PRAMEF20: variants seen among roughly 807,000 people sequenced by gnomAD.
PRAMEF20 encodes PRAME family member 20/21.
Under a neutral mutation model 32.4 loss-of-function variants are expected in PRAMEF20, and 27 were observed. The ratio of observed to expected loss-of-function variants is 0.83; its 90% CI spans 0.61 to 1.15. The LOEUF is 1.15. Among genes scored for constraint, PRAMEF20 ranks in the 50% most tolerant of loss-of-function variants. The pLI is 0.00. For synonymous variants in PRAMEF20, 256 were observed against 235.4 expected (o/e 1.09, Z -0.80); for missense variants, 604 against 584.5 (o/e 1.03, Z -0.34).
chr1:13,417,099 AAAG>A (rs1641183525), intron 1 of PRAMEF20, among the ~76,000 whole-genome samples: 1 of 152,172 alleles, frequency 6.6e-6, no homozygotes, highest in Non-Finnish European at 1.5e-5. Context: ...GCACGGACCC[AAAG>A]AGTGAGCGGT....
chr1:13,412,722 G>T (rs1307594125), upstream of PRAMEF20, among the ~76,000 whole-genome samples: 1 of 151,644 alleles, frequency 6.6e-6, no homozygotes, highest in Non-Finnish European at 1.5e-5. Context: ...GAGAATCTTT[G>T]AGCTTAATTT....
At chr1:13,420,707 A>G (rs1641232714) in exon 3 of PRAMEF20, 6 of 1,613,722 alleles carry the variant, frequency 3.7e-6, no homozygotes, top group Non-Finnish European at 4.2e-6. Context: ...CTGTCTAAAG[A>G]CCTCGTTAAA....
chr1:13,415,012 C>T (rs1192063029), upstream of PRAMEF20, among the ~76,000 whole-genome samples: 2 of 150,190 alleles, frequency 1.3e-5, no homozygotes, highest in Non-Finnish European at 3.0e-5. Context: ...ATTGGTCAGG[C>T]TTGTCTTAAG....
At position 13,418,063 on chromosome 1, in the gene PRAMEF20, T is replaced by C. The variant is rs1346788320; in HGVS notation, c.288-59T>C. The stretch of plus-strand genomic sequence containing the variant: ...TGCTGGGATTACAAGCGTGAGCCAC[T>C]GAGCCCAGCCTCAGAAGTGAGTCCT... On this transcript the variant is annotated intron_variant, in intron 1 of 2. Coordinates refer to ENST00000602960, the Ensembl canonical transcript of PRAMEF20. The C allele has an allele frequency of 2.8e-4, 445 of 1,609,890 alleles. 6 individuals carry two copies. The South Asian group carries it at 3.9e-3, about 14-fold the overall frequency.
At chr1:13,418,054 G>T in intron 1 of PRAMEF20, 68 bp from the exon 3 acceptor site, 2 of 1,609,106 alleles carry the variant, frequency 1.2e-6, no homozygotes, top group South Asian at 1.1e-5. Flanking sequence ...GATTACAAGC[G>T]TGAGCCACTG....
chr1:13,420,666 C>T lies in PRAMEF20; in HGVS notation c.867-31C>T, dbSNP rs1641232038. 2.0e-5 allele frequency: 32 copies of T among 1,613,756 alleles called. 1 individual carries two copies. The highest frequency in any genetic ancestry group is 4.5e-5 in the East Asian group (2 of 44,860). On this transcript the variant is annotated intron_variant, in intron 2 of 2. Coordinates refer to ENST00000602960, the Ensembl canonical transcript of PRAMEF20. ...ACCCTCCACTCACCCCTACGATTCC[C>T]CAGAACTAACTTCCTGCTCTCTCTC...
At chr1:13,416,379 C>A in exon 1 of PRAMEF20, 1 of 1,613,258 alleles carries the variant, frequency 6.2e-7, no homozygotes, top group Non-Finnish European at 8.5e-7. Flanking sequence ...TCCACCCAGA[C>A]TCCTGGAGCT....
chr1:13,416,443 A>T lies in PRAMEF20; in HGVS notation c.89A>T (p.Glu30Val), dbSNP rs776346198. Residue 30 changes from glutamate (E) to valine (V), a missense_variant, in exon 1 of 3, where the codon GAG (glutamate) becomes GTG (valine). Coordinates refer to ENST00000602960, the Ensembl canonical transcript of PRAMEF20. ...GCCTTGGCCATCTCCACCCTGGAGG[A>T]GCTGCCCACGGAACTTTTTCCCCCA... 19 of 1,613,706 alleles carry T rather than the reference A, an allele frequency of 1.2e-5. No individual in the cohort carries two copies. The African/African-American group carries it at 2.4e-4, about 20-fold the overall frequency.
exon 2 of PRAMEF20, chr1:13,418,166 A>G: frequency 6.2e-7 from 1 of 1,613,438 alleles, no homozygotes; most frequent in Non-Finnish European, 8.5e-7. Flanking sequence ...GTCAGTGAGA[A>G]CTTCTGGATG....
chr1:13,420,593 G>C, intron 2 of PRAMEF20, 104 bp from the exon 4 acceptor site: 1 of 1,515,270 alleles, frequency 6.6e-7, no homozygotes, highest in Non-Finnish European at 9.1e-7. Context: ...ATGACCCTGG[G>C]CTTGGGCAAA....
intron 2 of PRAMEF20, among the ~76,000 whole-genome samples, chr1:13,419,129 T>A (rs994627111): frequency 0.22 from 33,596 of 151,956 alleles, 4,760 homozygotes; most frequent in African/African-American, 0.39. Flanking sequence ...GTCTAAAAAA[T>A]AAATAAATAA....
At chr1:13,415,120 C>T (rs1641156071), upstream of PRAMEF20, among the ~76,000 whole-genome samples, 1 of 151,790 alleles carries the variant, frequency 6.6e-6, no homozygotes, top group South Asian at 2.1e-4. Context: ...ATTCATGTCG[C>T]CCAGGCTGGA....
chr1:13,416,998 G>T (rs1641182671), intron 1 of PRAMEF20, among the ~76,000 whole-genome samples: 1 of 152,186 alleles, frequency 6.6e-6, no homozygotes, highest in African/African-American at 2.4e-5. Context: ...ATTGTGTCCA[G>T]AATTGGTTCC....
upstream of PRAMEF20, among the ~76,000 whole-genome samples, chr1:13,416,181 C>A (rs1364354581): frequency 6.6e-6 from 1 of 152,208 alleles, no homozygotes; most frequent in African/African-American, 2.4e-5. Context: ...GAGGCAGAAG[C>A]CTGGCTTTGT....
At chr1:13,418,762 C>T (rs1357067251) in intron 2 of PRAMEF20, 62 bp downstream of exon 3, 6 of 1,608,420 alleles carry the variant, frequency 3.7e-6, no homozygotes, top group Non-Finnish European at 5.1e-6. Flanking sequence ...TTACAGGGGG[C>T]ATCTACTGTG....
exon 2 of PRAMEF20, chr1:13,418,390 A>C: frequency 6.2e-7 from 1 of 1,613,894 alleles, no homozygotes; most frequent in Non-Finnish European, 8.5e-7. Flanking sequence ...TAAGAAGCTG[A>C]AAATGTTGGG....
chr1:13,419,778 T>C (rs1228260307), intron 2 of PRAMEF20, among the ~76,000 whole-genome samples: 1 of 152,118 alleles, frequency 6.6e-6, no homozygotes, highest in African/African-American at 2.4e-5. Context: ...AAGTGGGCAC[T>C]GAAGAGGGGA....
chr1:13,417,142 C>T (rs926255145), intron 1 of PRAMEF20, among the ~76,000 whole-genome samples: 45 of 152,210 alleles, frequency 3.0e-4, no homozygotes, highest in African/African-American at 7.9e-4. Flanking sequence ...AGCAGAAGGA[C>T]GAAGCTTCCA....
At chr1:13,412,057 AATTAATTT>A (rs1641119993), upstream of PRAMEF20, among the ~76,000 whole-genome samples, 1 of 145,168 alleles carries the variant, frequency 6.9e-6, no homozygotes, top group Non-Finnish European at 1.5e-5. Flanking sequence ...TATTTAATTT[AATTAATTT>A]ATTTATTTAT....
Sources: allele counts gnomAD v4.1 joint callset (sites outside exome capture counted in the v4.1 genomes callset), GRCh38; gene constraint gnomAD v4.1.1; transcripts MANE v1.5; gene names NCBI Gene and HGNC (gene_info 2026-07-23, HGNC 2026-07-21).